Variants in ZNF785 observed in about 807,000 individuals in gnomAD.
ZNF785 encodes zinc finger protein 785.
A neutral mutation model predicts 11.3 loss-of-function variants in ZNF785; 15 were observed. The ratio of observed to expected loss-of-function variants is 1.32; its 90% CI spans 0.89 to 2.04. The LOEUF (loss-of-function observed/expected upper bound fraction) is 2.04. ZNF785 is among the 30% of genes most tolerant of loss of function. The pLI, the probability that ZNF785 is intolerant of heterozygous loss-of-function variation, is 0.00. For missense variants in ZNF785, 572 were observed against 560.9 expected, an observed-to-expected ratio of 1.02 and a Z score of -0.20; for synonymous variants, 221 against 231.0, an observed-to-expected ratio of 0.96 and a Z score of 0.39.
rs1170311758 is a variant in ZNF785 at position 30,580,677 on chromosome 16, T to C, written c.*1883A>G. 6.7e-6 allele frequency: 1 copy of C among 148,744 alleles called. No homozygotes were observed. The highest frequency in any genetic ancestry group is 2.5e-5 in the African/African-American group (1 of 40,454). The allele number at this position is 148,744 out of a possible 1,614,324, so 9.2% of individuals were successfully genotyped here. A position where few individuals can be genotyped will look rare whatever the true frequency, so the allele number is the denominator to read the frequency against. On this transcript the variant is annotated 3_prime_UTR_variant, in exon 3 of 3. Transcript: ENST00000395216. ...GCCGTTTTTTTTTTTTTTTTTGGTA[T>C]TTTTAGTAGAGATGGGGTTTCACCA...
chr16:30,583,007 C>A lies in ZNF785; in HGVS notation c.771G>T (p.Ala257=). The A allele has an allele frequency of 6.2e-7, 1 of 1,611,342 alleles. No individual in the cohort carries two copies. The highest frequency in any genetic ancestry group is 8.5e-7 in the Non-Finnish European group (1 of 1,179,550). ...RRAHTGEKPY[A]CSDCKSRFTY... is the part of the protein sequence containing the mutation. ...TGAAGCGACTCTTGCAGTCTGAGCACGCGTAAGGCTTCTCCCCGGTGTGAG... is the reference window on the plus strand; with the variant it reads ...TGAAGCGACTCTTGCAGTCTGAGCAAGCGTAAGGCTTCTCCCCGGTGTGAG... Residue 257 remains alanine, a synonymous_variant, in exon 3 of 3, where the codon GCG becomes GCT. Transcript: ENST00000395216.
chr16:30,583,537 G>GA, intron 2 of ZNF785, 94 bp from the exon 3 acceptor site: 4 of 1,478,338 alleles, frequency 2.7e-6, no homozygotes, highest in Non-Finnish European at 3.6e-6. Context: ...CCGGGACCAT[G>GA]TCCTGCCTTG....
rs1356669372 is a variant in ZNF785 at position 30,585,486 on chromosome 16, C to T, written c.126G>A (p.Glu42=). 1 of 1,603,346 alleles carries T rather than the reference C, an allele frequency of 6.2e-7. No homozygotes were observed. The highest frequency in any genetic ancestry group is 8.5e-7 in the Non-Finnish European group (1 of 1,175,550). ...ADVAVYFSPE[E]WECLRPAQRA... ...TCTGCGCTGGCCGCAGGCATTCCCACTCCTCGGGAGAGAAGTACACGGCCA... is the reference window on the plus strand; with the variant it reads ...TCTGCGCTGGCCGCAGGCATTCCCATTCCTCGGGAGAGAAGTACACGGCCA... Residue 42 remains glutamate (E), a synonymous_variant, in exon 1 of 3, where the codon GAG becomes GAA. Coordinates refer to ENST00000395216, the MANE Select transcript of ZNF785 (RefSeq NM_152458.7). The surrounding 1 kb of genome is among the most constrained non-coding windows in gnomAD (Gnocchi z 4.0).
At position 30,585,450 on chromosome 16, in the gene ZNF785, G is replaced by C. The variant is rs761447211; in HGVS notation, c.162C>G (p.Tyr54Ter). The change falls in exon 1 of 3, where the codon TAC becomes TAG. Residue 54 changes from tyrosine to a stop codon, truncating the protein, a stop_gained. Transcript: ENST00000395216. LOFTEE classifies it high-confidence loss of function. The surrounding 1 kb of genome is among the most constrained non-coding windows in gnomAD (Gnocchi z 4.0). ...CGAAGGTCTCCCGCATCACGTCCCGGTACAGGGCCCTCTGCGCTGGCCGCA... is the reference window on the plus strand; with the variant it reads ...CGAAGGTCTCCCGCATCACGTCCCGCTACAGGGCCCTCTGCGCTGGCCGCA... ...ECLRPAQRAL[Y>*]RDVMRETFGH... 1 of 1,602,176 alleles carries C rather than the reference G, an allele frequency of 6.2e-7. No homozygotes were observed. Among genetic ancestry groups the C allele is most frequent in the Non-Finnish European group, 8.5e-7 (1 of 1,174,990 alleles).
In ZNF785 at chr16:30,582,953, C is replaced by T. The variant is rs1323561089; in HGVS notation, c.825G>A (p.Gln275=). ...FTYPYLLAIH[Q]RKHTGEKPYS... ...AGGGCTTCTCGCCCGTGTGCTTGCG[C>T]TGGTGGATGGCCAGCAGGTAGGGGT... Residue 275 remains glutamine, a synonymous_variant, in exon 3 of 3, where the codon CAG becomes CAA. Coordinates refer to ENST00000395216, the MANE Select transcript of ZNF785 (RefSeq NM_152458.7). 1.2e-6 allele frequency: 2 copies of T among 1,614,070 alleles called. No homozygotes were observed. Among genetic ancestry groups the T allele is most frequent in the Non-Finnish European group, 1.7e-6 (2 of 1,179,996 alleles).
chr16:30,579,898 G>GT, downstream of ZNF785: 1 of 453,444 alleles, frequency 2.2e-6, no homozygotes, highest in Non-Finnish European at 4.4e-6. Context: ...GTTTTGTTTT[G>GT]TTTTTTGAGA....
rs2051807472 is a variant in ZNF785 at position 30,581,432 on chromosome 16, C to T, written c.*1128G>A. The T allele has an allele frequency of 6.7e-6, 1 of 148,378 alleles. No individual in the cohort carries two copies. The highest frequency in any genetic ancestry group is 1.5e-5 in the Non-Finnish European group (1 of 67,376). The allele number at this position is 148,378 out of a possible 1,614,324, so 9.2% of individuals were successfully genotyped here. A position where few individuals can be genotyped will look rare whatever the true frequency, so the allele number is the denominator to read the frequency against. On this transcript the variant is annotated 3_prime_UTR_variant, in exon 3 of 3. Coordinates refer to ENST00000395216, the MANE Select transcript of ZNF785 (RefSeq NM_152458.7). Reference sequence around the variant, plus strand: ...CGTAGCTTGGGCCACTGCACTCCAGCCCAGGCAATAGAGACAGACTCTGTC... The same window carrying T: ...CGTAGCTTGGGCCACTGCACTCCAGTCCAGGCAATAGAGACAGACTCTGTC...
At chr16:30,579,227 T>C (rs1426605578), downstream of ZNF785, 1 of 152,886 alleles carries the variant, frequency 6.5e-6, no homozygotes, top group African/African-American at 2.4e-5. Context: ...GATAGGCAGA[T>C]TGACATGTGT....
At position 30,585,338 on chromosome 16, in the gene ZNF785, C is replaced by T. The variant is rs1479418137; in HGVS notation, c.205+69G>A. 2 of 1,577,830 alleles carry T rather than the reference C, an allele frequency of 1.3e-6. No homozygotes were observed. The highest frequency in any genetic ancestry group is 1.7e-6 in the Non-Finnish European group (2 of 1,164,526). Reference sequence around the variant, plus strand: ...CGGCGCCCCGCTTCCAGCCCACTAGCCTCTGGGGACACCGATCACCGCTTC... The same window carrying T: ...CGGCGCCCCGCTTCCAGCCCACTAGTCTCTGGGGACACCGATCACCGCTTC... On this transcript the variant is annotated intron_variant, in intron 1 of 2. Coordinates refer to ENST00000395216, the MANE Select transcript of ZNF785 (RefSeq NM_152458.7). This position sits in a 1 kb window ranked among gnomAD's most constrained non-coding sequence, Gnocchi z 4.0.
rs1395621249 is a variant in ZNF785, at chr16:30,585,294, G to A, written c.206-44C>T. On this transcript the variant is annotated intron_variant, in intron 1 of 2. Coordinates refer to ENST00000395216, the MANE Select transcript of ZNF785 (RefSeq NM_152458.7). This position sits in a 1 kb window ranked among gnomAD's most constrained non-coding sequence, Gnocchi z 4.0. ...GGGCTCGGCTGAGCGCACGGGAGGGGAGAATGAGACTGCTCCCTCGGCGCC... is the reference window on the plus strand; with the variant it reads ...GGGCTCGGCTGAGCGCACGGGAGGGAAGAATGAGACTGCTCCCTCGGCGCC... The A allele has an allele frequency of 6.2e-7, 1 of 1,608,400 alleles. No individual in the cohort carries two copies. The highest frequency in any genetic ancestry group is 1.1e-5 in the South Asian group (1 of 90,600).
At chr16:30,584,618 CCA>C (rs2051864729) in intron 2 of ZNF785, among the ~76,000 whole-genome samples, 1 of 152,184 alleles carries the variant, frequency 6.6e-6, no homozygotes, top group African/African-American at 2.4e-5. Flanking sequence ...CCACTGTACT[CCA>C]GCCTGGGCAA....
At position 30,585,595 on chromosome 16, in the gene ZNF785, G is replaced by A; in HGVS notation, c.17C>T (p.Ala6Val). Residue 6 changes from alanine (A) to valine (V), a missense_variant, in exon 1 of 3, where the codon GCG (alanine) becomes GTG (valine). Ala to Val is a moderately conservative substitution (Grantham distance 64). Coordinates refer to ENST00000395216, the MANE Select transcript of ZNF785 (RefSeq NM_152458.7). This position sits in a 1 kb window ranked among gnomAD's most constrained non-coding sequence, Gnocchi z 4.0. MGPPL[A>V]PRPAHVPGEA... ...CCCGGGTACGTGGGCCGGGCGCGGC[G>A]CCAGGGGCGGCCCCATGGGAAACCC... The A allele has an allele frequency of 6.6e-7, 1 of 1,506,252 alleles. No individual in the cohort carries two copies. 93.3% of individuals were successfully genotyped at this position (1,506,252 alleles called of 1,614,324 possible).
downstream of ZNF785, chr16:30,580,601 C>A (rs139190454): frequency 1.5e-4 from 23 of 151,524 alleles, no homozygotes; most frequent in African/African-American, 5.6e-4. Flanking sequence ...GTGATCTGCC[C>A]GCCTCGGCTT....
downstream of ZNF785, among the ~76,000 whole-genome samples, chr16:30,580,120 C>G (rs970298025): frequency 6.6e-6 from 1 of 150,976 alleles, no homozygotes; most frequent in Admixed American, 6.6e-5. Context: ...ATCTCCTGAC[C>G]TCGTGATCCA....
Position 30,585,007 on chromosome 16 carries a change from G to A in ZNF785, c.334+115C>T. The A allele has an allele frequency of 7.2e-7, 1 of 1,381,402 alleles. No individual in the cohort carries two copies. 85.6% of individuals were successfully genotyped at this position (1,381,402 alleles called of 1,614,324 possible). A position where few individuals can be genotyped will look rare whatever the true frequency, so the allele number is the denominator to read the frequency against. On this transcript the variant is annotated intron_variant, in intron 2 of 2. Transcript: ENST00000395216. This position sits in a 1 kb window ranked among gnomAD's most constrained non-coding sequence, Gnocchi z 4.0. ...GCAGTGAGATGAGGACGTTTCTGGGGTAGGGTGCAGGGAGACAGGATGGGA... is the reference window on the plus strand; with the variant it reads ...GCAGTGAGATGAGGACGTTTCTGGGATAGGGTGCAGGGAGACAGGATGGGA...
Position 30,583,019 on chromosome 16 carries a change from C to T in ZNF785, c.759G>A (p.Glu253=). 1 of 1,613,330 alleles carries T rather than the reference C, an allele frequency of 6.2e-7. No individual in the cohort carries two copies. The highest frequency in any genetic ancestry group is 8.5e-7 in the Non-Finnish European group (1 of 1,179,858). The change falls in exon 3 of 3, where the codon GAG becomes GAA. Residue 253 remains glutamate (E), a synonymous_variant. Coordinates refer to ENST00000395216, the MANE Select transcript of ZNF785 (RefSeq NM_152458.7). The part of the protein sequence containing the change: ...LAIHRRAHTG[E]KPYACSDCKS... Reference sequence around the variant, plus strand: ...TGCAGTCTGAGCACGCGTAAGGCTTCTCCCCGGTGTGAGCCCGCCTGTGGA... The same window carrying T: ...TGCAGTCTGAGCACGCGTAAGGCTTTTCCCCGGTGTGAGCCCGCCTGTGGA...
chr16:30,585,220 G>A lies in ZNF785; in HGVS notation c.236C>T (p.Ser79Leu). 6.2e-7 allele frequency: 1 copy of A among 1,614,098 alleles called. No homozygotes were observed. Among genetic ancestry groups the A allele is most frequent in the African/African-American group, 1.3e-5 (1 of 75,052 alleles). The change falls in exon 2 of 3, where the codon TCG (serine) becomes TTG (leucine). Residue 79 changes from serine (S) to leucine (L), a missense_variant. By Grantham distance (145) the Ser-to-Leu change is moderately radical. Transcript: ENST00000395216. The surrounding 1 kb of genome is among the most constrained non-coding windows in gnomAD (Gnocchi z 4.0). ...GFSVPKPAFI[S>L]WVEGEVEAWS... Reference sequence around the variant, plus strand: ...CGCCTCCACTTCTCCTTCCACCCACGAGATAAAAGCGGGTTTGGGAACTGA... The same window carrying A: ...CGCCTCCACTTCTCCTTCCACCCACAAGATAAAAGCGGGTTTGGGAACTGA...
In ZNF785 at chr16:30,582,757, G is replaced by C; in HGVS notation, c.1021C>G (p.Pro341Ala). 6.2e-7 allele frequency: 1 copy of C among 1,607,528 alleles called. No homozygotes were observed. Among genetic ancestry groups the C allele is most frequent in the Non-Finnish European group, 8.5e-7 (1 of 1,175,446 alleles). ...RRIHSDSRPF[P>A]CVECGKGFKR... ...AAGCCTTTCCCACACTCCACGCAGGGGAAGGGCCGGCTGTCGGAGTGAATG... is the reference window on the plus strand; with the variant it reads ...AAGCCTTTCCCACACTCCACGCAGGCGAAGGGCCGGCTGTCGGAGTGAATG... Residue 341 changes from proline to alanine, a missense_variant, in exon 3 of 3, where the codon CCC becomes GCC. Physicochemically the swap from Pro to Ala is conservative, Grantham distance 27. Transcript: ENST00000395216.
chr16:30,582,569 C>T lies in ZNF785; in HGVS notation c.1209G>A (p.Glu403=), dbSNP rs1253414481. ...HFRHFPDIFQ[E]CG ...GTTTGTGTGAACGCCATCACCCACA[C>T]TCTTGAAATATATCTGGAAAGTGCC... The change falls in exon 3 of 3, where the codon GAG becomes GAA. Residue 403 remains glutamate, a synonymous_variant. Coordinates refer to ENST00000395216, the MANE Select transcript of ZNF785 (RefSeq NM_152458.7). 1 of 1,613,968 alleles carries T rather than the reference C, an allele frequency of 6.2e-7. No individual in the cohort carries two copies. The highest frequency in any genetic ancestry group is 8.5e-7 in the Non-Finnish European group (1 of 1,179,988).
Sources: allele counts gnomAD v4.1 joint callset (sites outside exome capture counted in the v4.1 genomes callset), GRCh38; gene constraint gnomAD v4.1.1; non-coding constraint Gnocchi (gnomAD v3.1); transcripts MANE v1.5; gene names NCBI Gene and HGNC (gene_info 2026-07-23, HGNC 2026-07-21).